IGF1R: variants seen among roughly 807,000 people sequenced by gnomAD.
IGF1R encodes insulin like growth factor 1 receptor.
A neutral mutation model predicts 144.6 loss-of-function variants in IGF1R; 44 were observed. The ratio of observed to expected loss-of-function variants is 0.30; its 90% CI spans 0.24 to 0.39. The LOEUF is 0.39. Among genes scored for constraint, IGF1R ranks in the 10% least tolerant of loss-of-function variants. The probability of loss-of-function intolerance (pLI) is 1.00; values close to 1 mark genes in which losing one functional copy is unlikely to be tolerated. For synonymous variants in IGF1R, 795 were observed against 722.8 expected (o/e 1.10, Z -1.60); for missense variants, 1,355 against 1,833.7 (o/e 0.74, Z 4.77).
intron 2 of IGF1R, among the ~76,000 whole-genome samples, chr15:98,745,287 C>A (rs1043984845): frequency 2.6e-5 from 4 of 152,210 alleles, no homozygotes; most frequent in Non-Finnish European, 5.9e-5. Context: ...TATAAAATGA[C>A]ACCAGTTATT....
chr15:98,903,660 T>C (rs1449821412), intron 5 of IGF1R, among the ~76,000 whole-genome samples: 1 of 152,172 alleles, frequency 6.6e-6, no homozygotes, highest in Non-Finnish European at 1.5e-5. Context: ...CTGGAAACCA[T>C]TCAGATGTTC....
chr15:98,686,952 G>A (rs2053344395), intron 1 of IGF1R, among the ~76,000 whole-genome samples: 1 of 152,160 alleles, frequency 6.6e-6, no homozygotes, highest in Non-Finnish European at 1.5e-5. Flanking sequence ...TTATAGGCGT[G>A]AGCCACTGCA....
chr15:98,828,658 C>T (rs1178351971), intron 2 of IGF1R, among the ~76,000 whole-genome samples: 1 of 151,876 alleles, frequency 6.6e-6, no homozygotes, highest in East Asian at 1.9e-4. Flanking sequence ...ACTTCTTTGC[C>T]AAGAAATTAA....
At chr15:98,918,955 G>T (rs77565743) in intron 10 of IGF1R, among the ~76,000 whole-genome samples, 7 of 152,164 alleles carry the variant, frequency 4.6e-5, no homozygotes, top group Non-Finnish European at 1.0e-4. Flanking sequence ...CCCGCTGGGG[G>T]AGTCTTCTGC....
chr15:98,755,176 A>G (rs2055116767), intron 2 of IGF1R, among the ~76,000 whole-genome samples: 1 of 152,082 alleles, frequency 6.6e-6, no homozygotes, highest in South Asian at 2.1e-4. Flanking sequence ...CTATTAGTAT[A>G]GTGAATAGCC....
chr15:98,881,847 A>G (rs2013400922), intron 2 of IGF1R, among the ~76,000 whole-genome samples: 3 of 152,210 alleles, frequency 2.0e-5, no homozygotes, highest in Non-Finnish European at 2.9e-5. Context: ...GCAGAAATAT[A>G]TGTGAGATGC....
intron 2 of IGF1R, among the ~76,000 whole-genome samples, chr15:98,870,687 C>G (rs1408702213): frequency 6.6e-6 from 1 of 152,216 alleles, no homozygotes; most frequent in Non-Finnish European, 1.5e-5. Flanking sequence ...TACAGGCAGA[C>G]ACAGCCGCAT....
chr15:98,813,277 CAT>C (rs1183786769), intron 2 of IGF1R, among the ~76,000 whole-genome samples: 2 of 152,134 alleles, frequency 1.3e-5, no homozygotes, highest in South Asian at 2.1e-4. Context: ...GCCCCTCACT[CAT>C]ATGCAAAATA....
In IGF1R at chr15:98,921,009, G is replaced by A. The variant is rs143310192; in HGVS notation, c.2202-1139G>A. Among the ~76,000 whole-genome samples the A allele has an allele frequency of 3.1e-3, 466 of 152,252 alleles. 2 individuals carry two copies. Among genetic ancestry groups the A allele is most frequent in the African/African-American group, 0.01 (424 of 41,550 alleles). ...GCTTTCCCTCTCTGCTGCTGCTGCC[G>A]CGCTCTCCCCTCCATGGCACTGATG... On this transcript the variant is annotated intron_variant, in intron 10 of 20. Transcript: ENST00000650285.
intron 5 of IGF1R, among the ~76,000 whole-genome samples, chr15:98,900,305 C>A (rs2014417546): frequency 6.6e-6 from 1 of 152,232 alleles, no homozygotes; most frequent in South Asian, 2.1e-4. Flanking sequence ...GTACTTTTCT[C>A]TTTAAACTCT....
chr15:98,920,875 A>G (rs1396642554), intron 10 of IGF1R, among the ~76,000 whole-genome samples: 1 of 152,094 alleles, frequency 6.6e-6, no homozygotes, highest in African/African-American at 2.4e-5. Context: ...CCCTTTCCCA[A>G]AGCCCTCTGC....
intron 20 of IGF1R, among the ~76,000 whole-genome samples, chr15:98,955,775 C>T (rs1037135118): frequency 1.3e-5 from 2 of 152,224 alleles, no homozygotes; most frequent in African/African-American, 4.8e-5. Context: ...AGGCCAGACA[C>T]GGGCAGGTAG....
At chr15:98,874,264 T>G (rs1227371743) in intron 2 of IGF1R, among the ~76,000 whole-genome samples, 1 of 152,156 alleles carries the variant, frequency 6.6e-6, no homozygotes, top group African/African-American at 2.4e-5. Flanking sequence ...GGGTGCTGTT[T>G]ATTTAGATAG....
At chr15:98,753,486 G>C (rs1051003902) in intron 2 of IGF1R, among the ~76,000 whole-genome samples, 11 of 148,668 alleles carry the variant, frequency 7.4e-5, no homozygotes, top group Admixed American at 2.0e-4. Context: ...ACCTGCCTTG[G>C]CTTCTCAAAG....
intron 2 of IGF1R, among the ~76,000 whole-genome samples, chr15:98,760,465 G>A (rs2055267049): frequency 6.6e-6 from 1 of 152,200 alleles, no homozygotes; most frequent in Admixed American, 6.5e-5. Context: ...CTCCATAATG[G>A]TCTCTTGAAG....
At chr15:98,941,625 T>C (rs1247753893) in intron 18 of IGF1R, among the ~76,000 whole-genome samples, 1 of 152,224 alleles carries the variant, frequency 6.6e-6, no homozygotes, top group African/African-American at 2.4e-5. Flanking sequence ...TCATTTTTAT[T>C]CTTCTCAAGG....
chr15:98,845,489 C>T (rs899767681), intron 2 of IGF1R, among the ~76,000 whole-genome samples: 4 of 123,676 alleles, frequency 3.2e-5, no homozygotes, highest in African/African-American at 1.2e-4. Context: ...CCCTCCTCCT[C>T]CTTCCTTCTC....
intron 1 of IGF1R, among the ~76,000 whole-genome samples, chr15:98,701,231 T>C (rs983170275): frequency 2.0e-5 from 3 of 152,294 alleles, no homozygotes; most frequent in African/African-American, 7.2e-5. Flanking sequence ...TAATGTGCTT[T>C]ACCTTCACAG....
chr15:98,841,919 G>T (rs867460161), intron 2 of IGF1R, among the ~76,000 whole-genome samples: 10 of 152,288 alleles, frequency 6.6e-5, no homozygotes, highest in Middle Eastern at 6.8e-3. Context: ...TTGGCCTCTC[G>T]AGGAGAACGG....
Sources: allele counts gnomAD v4.1 joint callset (sites outside exome capture counted in the v4.1 genomes callset), GRCh38; gene constraint gnomAD v4.1.1; transcripts MANE v1.5; gene names NCBI Gene and HGNC (gene_info 2026-07-23, HGNC 2026-07-21).